The following FRMD4B variants were observed in gnomAD, a reference collection of about 807,000 sequenced individuals.
The protein encoded by FRMD4B is FERM domain containing 4B.
A neutral mutation model predicts 141.5 loss-of-function variants in FRMD4B; 74 were observed. The observed-to-expected ratio is 0.52, with a 90% CI of 0.43 to 0.63. The LOEUF (loss-of-function observed/expected upper bound fraction) is 0.63. Among genes scored for constraint, FRMD4B ranks in the 30% least tolerant of loss-of-function variants. The pLI is 0.00. For missense variants in FRMD4B, 1,366 were observed against 1,253.4 expected, an observed-to-expected ratio of 1.09 and a Z score of -1.36; for synonymous variants, 506 against 467.9, an observed-to-expected ratio of 1.08 and a Z score of -1.05.
chr3:69,234,565 T>C (rs942592635), intron 7 of FRMD4B, among the ~76,000 whole-genome samples: 2 of 152,228 alleles, frequency 1.3e-5, no homozygotes, highest in African/African-American at 4.8e-5. Context: ...AATGATGAAT[T>C]CAGTGTATTA....
chr3:69,182,303 C>T (rs1159878057), intron 20 of FRMD4B, among the ~76,000 whole-genome samples: 1 of 152,174 alleles, frequency 6.6e-6, no homozygotes, highest in East Asian at 1.9e-4. Context: ...ACAGCACTCA[C>T]AAACATTTCA....
intron 1 of FRMD4B, among the ~76,000 whole-genome samples, chr3:69,331,165 G>A (rs1269233127): frequency 6.6e-6 from 1 of 152,236 alleles, no homozygotes; most frequent in Non-Finnish European, 1.5e-5. Context: ...GAAGGGTGGG[G>A]AGGGTAGAGT....
chr3:69,317,080 CA>C lies in FRMD4B; in HGVS notation c.163-3564del, dbSNP rs11461498. Among the ~76,000 whole-genome samples the C allele has an allele frequency of 4.0e-5, 6 of 150,330 alleles. No individual in the cohort carries two copies. In the East Asian group the frequency reaches 9.8e-4, roughly 24 times the overall value. ...GGGCAACAAGAGCGAAACTCCGCCT[CA>C]AAAAAAAAATCATCTTTTTTTGCCT... On this transcript the variant is annotated intron_variant, in intron 1 of 22. Coordinates refer to ENST00000398540, the MANE Select transcript of FRMD4B (RefSeq NM_015123.3).
At chr3:69,338,735 A>G (rs1375745970) in intron 1 of FRMD4B, among the ~76,000 whole-genome samples, 2 of 152,164 alleles carry the variant, frequency 1.3e-5, no homozygotes, top group East Asian at 1.9e-4. Flanking sequence ...GTTGAGTACT[A>G]CTATGCTTAT....
intron 1 of FRMD4B, among the ~76,000 whole-genome samples, chr3:69,486,674 T>C (rs1236904770): frequency 3.3e-5 from 5 of 152,040 alleles, no homozygotes; most frequent in Non-Finnish European, 7.4e-5. Context: ...GTGGCAGACA[T>C]ACTACATGGG....
At chr3:69,403,513 C>T (rs1319219549) in intron 2 of FRMD4B, among the ~76,000 whole-genome samples, 7 of 152,298 alleles carry the variant, frequency 4.6e-5, no homozygotes, top group Admixed American at 3.9e-4. Context: ...AGGAACCCTT[C>T]CCCCTGAAAT....
In FRMD4B at chr3:69,181,371, G is replaced by A. The variant is rs2092706166; in HGVS notation, c.2379C>T (p.Tyr793=). 1 of 1,613,892 alleles carries A rather than the reference G, an allele frequency of 6.2e-7. No individual in the cohort carries two copies. Among genetic ancestry groups the A allele is most frequent in the Non-Finnish European group, 8.5e-7 (1 of 1,179,796 alleles). ...AQKDSLRNGV[Y]SKSQEPPSSS... is the part of the protein sequence containing the mutation. ...AAGACGGTGGCTCCTGACTCTTTGA[G>A]TAAACACCATTCCTCAAACTATCCT... is the stretch of plus-strand genomic sequence containing the variant. Residue 793 remains tyrosine (Y), a synonymous_variant, in exon 21 of 23, where the codon TAC becomes TAT. Coordinates refer to ENST00000398540, the MANE Select transcript of FRMD4B (RefSeq NM_015123.3).
intron 1 of FRMD4B, among the ~76,000 whole-genome samples, chr3:69,362,701 C>CT (rs1703504338): frequency 5.6e-5 from 1 of 17,786 alleles, no homozygotes; most frequent in Admixed American, 6.5e-4. Context: ...AAAAAGCCAA[C>CT]CCCCCCCCCA....
chr3:69,519,824 G>A (rs929124167), intron 1 of FRMD4B, among the ~76,000 whole-genome samples: 8 of 151,482 alleles, frequency 5.3e-5, no homozygotes, highest in African/African-American at 9.7e-5. Flanking sequence ...AAAGTCTACC[G>A]TATAATTCTT....
At chr3:69,435,924 T>G (rs1377936716) in intron 1 of FRMD4B, among the ~76,000 whole-genome samples, 1 of 152,170 alleles carries the variant, frequency 6.6e-6, no homozygotes, top group Non-Finnish European at 1.5e-5. Context: ...AAAATTTTCT[T>G]CAAGCACTAC....
chr3:69,538,989 T>C (rs1701124734), intron 1 of FRMD4B, among the ~76,000 whole-genome samples: 3 of 152,212 alleles, frequency 2.0e-5, no homozygotes, highest in Non-Finnish European at 4.4e-5. Context: ...TATAGGCTGA[T>C]GACAGTCATT....
chr3:69,466,910 C>G (rs1705799374), intron 1 of FRMD4B, among the ~76,000 whole-genome samples: 1 of 152,100 alleles, frequency 6.6e-6, no homozygotes, highest in African/African-American at 2.4e-5. Context: ...CCATGTTGCC[C>G]AGGCTGATCT....
intron 1 of FRMD4B, among the ~76,000 whole-genome samples, chr3:69,318,434 T>C (rs1488163581): frequency 6.6e-6 from 1 of 151,962 alleles, no homozygotes. Context: ...TCGATGACAA[T>C]ACAACAACCA....
At chr3:69,177,570 A>G (rs1288235086) in intron 21 of FRMD4B, among the ~76,000 whole-genome samples, 1 of 152,174 alleles carries the variant, frequency 6.6e-6, no homozygotes, top group Non-Finnish European at 1.5e-5. Flanking sequence ...GGATCACTCA[A>G]GCCTTGGAAG....
intron 1 of FRMD4B, among the ~76,000 whole-genome samples, chr3:69,478,115 C>A (rs947235430): frequency 2.0e-5 from 3 of 152,258 alleles, no homozygotes; most frequent in African/African-American, 4.8e-5. Context: ...ATTAGTCTTG[C>A]TAGCAGTCTA....
chr3:69,357,591 G>A (rs578235620), intron 1 of FRMD4B, among the ~76,000 whole-genome samples: 2 of 152,272 alleles, frequency 1.3e-5, no homozygotes, highest in East Asian at 1.9e-4. Flanking sequence ...CCAATTTAAG[G>A]AAAAATTTGT....
intron 5 of FRMD4B, among the ~76,000 whole-genome samples, chr3:69,282,942 C>T (rs912146375): frequency 6.6e-6 from 1 of 151,814 alleles, no homozygotes; most frequent in African/African-American, 2.4e-5. Context: ...CAGCCATCTG[C>T]ATAATAATTA....
chr3:69,205,455 C>T lies in FRMD4B; in HGVS notation c.877-6681G>A, dbSNP rs541454513. 3.9e-5 allele frequency among the ~76,000 whole-genome samples: 6 copies of T among 152,218 alleles called. 1 individual carries two copies. The South Asian group carries it at 1.2e-3, about 32-fold the overall frequency. On this transcript the variant is annotated intron_variant, in intron 11 of 22. Coordinates refer to ENST00000398540, the MANE Select transcript of FRMD4B (RefSeq NM_015123.3). ...AACTCCTGGGCTCAAGGAATCCTTC[C>T]GCCTTGGCTTCCTAAAGTGCTGGGA...
At chr3:69,302,319 C>A (rs750255660) in intron 4 of FRMD4B, 24 bp downstream of exon 4, 3 of 1,286,334 alleles carry the variant, frequency 2.3e-6, no homozygotes, top group African/African-American at 1.5e-5. Flanking sequence ...AAGAGGGATG[C>A]TAACTGGGTC....
Sources: gnomAD v4.1 joint callset for allele counts (sites outside exome capture counted in the v4.1 genomes callset) on GRCh38, gnomAD v4.1.1 for gene constraint, MANE v1.5 for transcripts, NCBI Gene and HGNC (gene_info 2026-07-23, HGNC 2026-07-21) for gene names.